Variants in CCDC159 observed in about 807,000 individuals in gnomAD.
CCDC159 encodes the protein coiled-coil domain-containing protein 159.
CCDC159 carries 40 observed loss-of-function variants against 50.9 expected under a neutral mutation model. That is an observed-to-expected ratio of 0.79 (90% CI 0.61 to 1.02). The LOEUF is 1.02. CCDC159 is among the 50% of genes least tolerant of loss of function. The pLI is 0.00. For synonymous variants in CCDC159, 146 were observed against 138.9 expected, an observed-to-expected ratio of 1.05 and a Z score of -0.36; for missense variants, 356 against 371.5, an observed-to-expected ratio of 0.96 and a Z score of 0.34.
intron 4 of CCDC159, 45 bp from the exon 5 acceptor site, chr19:11,350,763 T>A: frequency 6.7e-7 from 1 of 1,493,654 alleles, no homozygotes; most frequent in Non-Finnish European, 8.9e-7. Flanking sequence ...CAAGCTGGGT[T>A]CAGGGTGGGA....
At position 11,353,618 on chromosome 19, in the gene CCDC159, G is replaced by A. The variant is rs555130745; in HGVS notation, c.689+46G>A. ...TGACCCCTGACCCTCCTCTGAACCC[G>A]TTCCCCCAACGGGATCTGGCAGTGA... is the stretch of plus-strand genomic sequence containing the variant. On this transcript the variant is annotated intron_variant, in intron 8 of 10. Transcript: ENST00000458408. The A allele has an allele frequency of 6.7e-5, 108 of 1,602,984 alleles. No individual in the cohort carries two copies. The East Asian group carries it at 1.5e-3, about 22-fold the overall frequency.
At chr19:11,354,752 A>C (rs1255219611) in intron 10 of CCDC159, 56 bp downstream of exon 10, 8 of 1,604,132 alleles carry the variant, frequency 5.0e-6, no homozygotes, top group Non-Finnish European at 6.8e-6. Context: ...CCTGCCCTTG[A>C]CTCCCACAGT....
intron 1 of CCDC159, chr19:11,349,160 C>A: frequency 2.2e-6 from 3 of 1,348,922 alleles, no homozygotes; most frequent in Non-Finnish European, 2.9e-6. Flanking sequence ...CTGTAATGAC[C>A]AGGACATTTT....
At position 11,354,853 on chromosome 19, in the gene CCDC159, C is replaced by T. The variant is rs774052531; in HGVS notation, c.890-20C>T. 2.1e-5 allele frequency: 34 copies of T among 1,613,172 alleles called. No homozygotes were observed. The highest frequency in any genetic ancestry group is 2.6e-5 in the Non-Finnish European group (31 of 1,179,838). On this transcript the variant is annotated intron_variant, in intron 10 of 10. Transcript: ENST00000458408. ...TCCCCTGGACCTGGCCAGGCCCTGA[C>T]CCACCCTCTCTCTCCACAGCTTGAG...
chr19:11,348,585 G>A (rs974333015), intron 1 of CCDC159, among the ~76,000 whole-genome samples: 1 of 152,164 alleles, frequency 6.6e-6, no homozygotes, highest in Non-Finnish European at 1.5e-5. Context: ...CACCATTGCT[G>A]GCCGCGTCTG....
intron 1 of CCDC159, chr19:11,348,065 G>T (rs1392524943): frequency 2.2e-6 from 1 of 450,618 alleles, no homozygotes. Context: ...CTTCCTCTCG[G>T]ACCTCGATTC....
At chr19:11,354,783 C>G (rs774098411) in intron 10 of CCDC159, 87 bp downstream of exon 10, 7 of 1,611,210 alleles carry the variant, frequency 4.3e-6, no homozygotes, top group Non-Finnish European at 4.2e-6. Context: ...AGAACAGGCC[C>G]AGATCCTGAT....
At position 11,353,686 on chromosome 19, in the gene CCDC159, C is replaced by T. The variant is rs903119748; in HGVS notation, c.690-106C>T. The T allele has an allele frequency of 4.5e-6, 7 of 1,550,622 alleles. No homozygotes were observed. In the South Asian group the frequency reaches 7.0e-5, roughly 15 times the overall value. Reference sequence around the variant, plus strand: ...CCACCTGAGTCCAGACTTCCCTCACCCCCTAGGACTCACCCCACCACGGCC... The same window carrying T: ...CCACCTGAGTCCAGACTTCCCTCACTCCCTAGGACTCACCCCACCACGGCC... On this transcript the variant is annotated intron_variant, in intron 8 of 10. Transcript: ENST00000458408.
chr19:11,353,480 T>C lies in CCDC159; in HGVS notation c.597T>C (p.His199=). The change falls in exon 8 of 11, where the codon CAT becomes CAC. Residue 199 remains histidine, a synonymous_variant. Coordinates refer to ENST00000458408, the MANE Select transcript of CCDC159 (RefSeq NM_001080503.3). Reference sequence around the variant, plus strand: ...TGACCAAGATGAAGCAGCAGGGTCATGAGACAGCCGCCTGTCCGGAGACTG... The same window carrying C: ...TGACCAAGATGAAGCAGCAGGGTCACGAGACAGCCGCCTGTCCGGAGACTG... ...KILTKMKQQG[H]ETAACPETEE... 6.3e-7 allele frequency: 1 copy of C among 1,597,026 alleles called. No homozygotes were observed. Among genetic ancestry groups the C allele is most frequent in the South Asian group, 1.1e-5 (1 of 88,180 alleles).
intron 4 of CCDC159, among the ~76,000 whole-genome samples, chr19:11,350,587 T>C (rs1015006432): frequency 6.6e-6 from 1 of 151,998 alleles, no homozygotes; most frequent in Non-Finnish European, 1.5e-5. Context: ...GAGGCAGAGG[T>C]TGCAGTGAGC....
chr19:11,351,060 C>T, intron 5 of CCDC159, 57 bp downstream of exon 5: 1 of 1,417,582 alleles, frequency 7.1e-7, no homozygotes, highest in Non-Finnish European at 9.4e-7. Flanking sequence ...AGACCCAGAA[C>T]TGGGGAATGG....
At position 11,352,090 on chromosome 19, in the gene CCDC159, T is replaced by C. The variant is rs1360190839; in HGVS notation, c.524T>C (p.Val175Ala). Residue 175 changes from valine (V) to alanine (A), a missense_variant, in exon 7 of 11, where the codon GTG (valine) becomes GCG (alanine). By Grantham distance (64) the Val-to-Ala change is moderately conservative. Coordinates refer to ENST00000458408, the MANE Select transcript of CCDC159 (RefSeq NM_001080503.3). ...GAGGATGAGATCTCAGAGAACTTGG[T>C]GAACATTCAGAAAATGCAGAAAACG... ...AQEDEISENL[V>A]NIQKMQKTQV... is the part of the protein sequence containing the mutation. The C allele has an allele frequency of 6.2e-7, 1 of 1,613,522 alleles. No homozygotes were observed.
intron 7 of CCDC159, 193 bp downstream of exon 7, chr19:11,352,326 C>T (rs1315256868): frequency 1.6e-6 from 1 of 620,788 alleles, no homozygotes; most frequent in Non-Finnish European, 2.8e-6. Context: ...GTAATAATAA[C>T]TCATCTTGGC....
At chr19:11,351,812 C>T in intron 5 of CCDC159, 94 bp from the exon 6 acceptor site, 1 of 1,081,982 alleles carries the variant, frequency 9.2e-7, no homozygotes. Flanking sequence ...GGGGAGGGGA[C>T]AGAGCTTGCG....
In CCDC159 at chr19:11,354,582, C is replaced by T. The variant is rs1232337931; in HGVS notation, c.775C>T (p.His259Tyr). The change falls in exon 10 of 11, where the codon CAC (histidine) becomes TAC (tyrosine). Residue 259 changes from histidine (H) to tyrosine (Y), a missense_variant and splice_region_variant. Coordinates refer to ENST00000458408, the MANE Select transcript of CCDC159 (RefSeq NM_001080503.3). ...CAGGGAACCTGTCCCTCCTGCAGGCCACAAGGGGCACCAGTGCCTGAGCCC... is the reference window on the plus strand; with the variant it reads ...CAGGGAACCTGTCCCTCCTGCAGGCTACAAGGGGCACCAGTGCCTGAGCCC... ...ACPKASSLRG[H>Y]KGHQCLSPPL... The T allele has an allele frequency of 6.3e-7, 1 of 1,582,752 alleles. No homozygotes were observed. Among genetic ancestry groups the T allele is most frequent in the African/African-American group, 1.3e-5 (1 of 74,266 alleles).
Position 11,350,823 on chromosome 19 carries a change from C to T in CCDC159, c.242C>T (p.Thr81Ile). 6 of 1,548,858 alleles carry T rather than the reference C, an allele frequency of 3.9e-6. No homozygotes were observed. The highest frequency in any genetic ancestry group is 5.2e-6 in the Non-Finnish European group (6 of 1,146,724). The change falls in exon 5 of 11, where the codon ACA becomes ATA. Residue 81 changes from threonine to isoleucine, a missense_variant. Physicochemically the swap from Thr to Ile is moderately conservative, Grantham distance 89 (BLOSUM62 -1). Coordinates refer to ENST00000458408, the MANE Select transcript of CCDC159 (RefSeq NM_001080503.3). ...IQQLEEVLSPTGRQGEKEEHK... is the reference protein window; with the variant it reads ...IQQLEEVLSPIGRQGEKEEHK... The stretch of plus-strand genomic sequence containing the variant: ...CTCTCTGCAGAGGTGCTGAGCCCCA[C>T]AGGCCGCCAGGGAGAGAAGGAGGAG...
At chr19:11,351,696 T>G (rs1599385929) in intron 5 of CCDC159, 9 of 393,732 alleles carry the variant, frequency 2.3e-5, no homozygotes, top group Admixed American at 1.0e-4. Flanking sequence ...GGAGGCTGAG[T>G]GGGGTGGGAG....
chr19:11,353,985 G>T, intron 9 of CCDC159, 111 bp downstream of exon 9: 1 of 836,422 alleles, frequency 1.2e-6, no homozygotes, highest in Non-Finnish European at 1.9e-6. Context: ...GTTATTCTAT[G>T]GTCACATTAA....
In CCDC159 at chr19:11,353,550, CAG is replaced by C. The variant is rs1967701661; in HGVS notation, c.669_670del (p.Lys224GlyfsTer4). ...GASGCWKDDL[Q>X]KELSDIWSAV... ...CAGTGGCTGCTGGAAGGATGACCTC[CAG>C]AAGGAACTGAGTGATATATGGTGAT... On this transcript the variant is annotated frameshift_variant, in exon 8 of 11. Coordinates refer to ENST00000458408, the MANE Select transcript of CCDC159 (RefSeq NM_001080503.3). LOFTEE classifies it high-confidence loss of function. 6 of 1,613,664 alleles carry C rather than the reference CAG, an allele frequency of 3.7e-6. No individual in the cohort carries two copies. Among genetic ancestry groups the C allele is most frequent in the Non-Finnish European group, 4.2e-6 (5 of 1,179,814 alleles).
Sources: gnomAD v4.1 joint callset for allele counts (sites outside exome capture counted in the v4.1 genomes callset) on GRCh38, gnomAD v4.1.1 for gene constraint, MANE v1.5 for transcripts, NCBI Gene and HGNC (gene_info 2026-07-23, HGNC 2026-07-21) for gene names.